The following LARGE1 variants were observed in gnomAD, a reference collection of about 807,000 sequenced individuals.
LARGE1 encodes LARGE xylosyl- and glucuronyltransferase 1, also known as xylosyl- and glucuronyltransferase LARGE1.
In LARGE1, 43 loss-of-function variants were observed where a neutral mutation model predicts 87.6. The observed-to-expected ratio is 0.49, with a 90% CI of 0.38 to 0.63. LARGE1 has a LOEUF of 0.63. Among genes scored for constraint, LARGE1 ranks in the 30% least tolerant of loss-of-function variants. The pLI is 0.00. For synonymous variants in LARGE1, 434 were observed against 394.6 expected, an observed-to-expected ratio of 1.10 and a Z score of -1.18; for missense variants, 802 against 1,000.2, an observed-to-expected ratio of 0.80 and a Z score of 2.67.
chr22:33,271,644 A>C (rs1476017665), downstream of LARGE1, among the ~76,000 whole-genome samples: 1 of 152,270 alleles, frequency 6.6e-6, no homozygotes, highest in African/African-American at 2.4e-5. Flanking sequence ...TGATGCAAAG[A>C]AATCAACATC....
the LARGE1 span, among the ~76,000 whole-genome samples, chr22:33,095,261 G>A: frequency 6.6e-6 from 1 of 152,204 alleles, no homozygotes; most frequent in Non-Finnish European, 1.5e-5. Flanking sequence ...TCCCTCTGAA[G>A]GCTCTGGGGA....
At chr22:33,781,622 C>G (rs2085423362) in intron 1 of LARGE1, among the ~76,000 whole-genome samples, 1 of 152,196 alleles carries the variant, frequency 6.6e-6, no homozygotes, top group Non-Finnish European at 1.5e-5. Flanking sequence ...TAGGACAATT[C>G]ACTGAACAAG....
At chr22:33,376,756 A>T (rs1043053477) in intron 9 of LARGE1, among the ~76,000 whole-genome samples, 25 of 152,148 alleles carry the variant, frequency 1.6e-4, no homozygotes, top group Admixed American at 1.6e-3. Flanking sequence ...TTAATTTTGT[A>T]TCTGTTACTT....
At chr22:33,124,730 G>A in the LARGE1 span, among the ~76,000 whole-genome samples, 8 of 152,198 alleles carry the variant, frequency 5.3e-5, no homozygotes, top group Non-Finnish European at 7.3e-5. Context: ...GGCTGGGCGT[G>A]GTGGCTCACA....
intron 9 of LARGE1, among the ~76,000 whole-genome samples, chr22:33,368,736 A>G (rs1197695151): frequency 6.6e-6 from 1 of 152,134 alleles, no homozygotes; most frequent in Non-Finnish European, 1.5e-5. Flanking sequence ...AATAAAGTGA[A>G]TACCACATGA....
At chr22:33,325,887 G>A (rs1474209760) in intron 10 of LARGE1, among the ~76,000 whole-genome samples, 2 of 152,170 alleles carry the variant, frequency 1.3e-5, no homozygotes, top group Non-Finnish European at 2.9e-5. Flanking sequence ...GCTGCCCTTA[G>A]GGCCCTCAGT....
chr22:33,312,732 G>A (rs1357663021), intron 11 of LARGE1, among the ~76,000 whole-genome samples: 1 of 152,178 alleles, frequency 6.6e-6, no homozygotes, highest in Non-Finnish European at 1.5e-5. Context: ...TCACTTGCAT[G>A]GATTATAGTA....
intron 7 of LARGE1, among the ~76,000 whole-genome samples, chr22:33,391,496 A>G (rs1490710587): frequency 5.3e-5 from 8 of 152,102 alleles, no homozygotes; most frequent in Admixed American, 6.6e-5. Context: ...AAGGTTATAT[A>G]AGTGAGAGAC....
At chr22:33,417,404 G>T (rs1381503861) in intron 7 of LARGE1, among the ~76,000 whole-genome samples, 5 of 152,150 alleles carry the variant, frequency 3.3e-5, no homozygotes, top group African/African-American at 1.2e-4. Context: ...TGGGAGTGTA[G>T]AATTCATTTA....
chr22:33,421,694 T>A (rs1319342138), intron 7 of LARGE1, among the ~76,000 whole-genome samples: 1 of 152,230 alleles, frequency 6.6e-6, no homozygotes, highest in African/African-American at 2.4e-5. Context: ...GTACTTACTA[T>A]AACCATCCTC....
At chr22:33,294,891 T>C (rs1304289451) in intron 12 of LARGE1, among the ~76,000 whole-genome samples, 1 of 152,188 alleles carries the variant, frequency 6.6e-6, no homozygotes, top group Non-Finnish European at 1.5e-5. Context: ...TCTTTGGAAA[T>C]GACAAAGACC....
chr22:33,211,286 C>T (rs189136215), intron 11 of LARGE1, among the ~76,000 whole-genome samples: 114 of 152,228 alleles, frequency 7.5e-4, no homozygotes, highest in Non-Finnish European at 9.4e-4. Context: ...CATAATGCTA[C>T]AAGTGTTACA....
At chr22:33,579,398 T>C (rs2078447918) in intron 5 of LARGE1, among the ~76,000 whole-genome samples, 1 of 152,216 alleles carries the variant, frequency 6.6e-6, no homozygotes, top group Admixed American at 6.5e-5. Flanking sequence ...CTTTTGTAAA[T>C]TGTCCAGTCT....
intron 11 of LARGE1, among the ~76,000 whole-genome samples, chr22:33,236,619 G>A (rs768578498): frequency 2.0e-4 from 30 of 152,160 alleles, no homozygotes; most frequent in Non-Finnish European, 3.4e-4. Context: ...TTTCTCAGCA[G>A]GATGTAAACA....
At chr22:33,345,809 G>A (rs2146678264) in intron 9 of LARGE1, among the ~76,000 whole-genome samples, 1 of 152,066 alleles carries the variant, frequency 6.6e-6, no homozygotes, top group African/African-American at 2.4e-5. Context: ...TCAGTGCAAG[G>A]ACAAGGCTGT....
chr22:33,903,313 C>T (rs369579829), intron 1 of LARGE1, among the ~76,000 whole-genome samples: 1 of 152,054 alleles, frequency 6.6e-6, no homozygotes, highest in African/African-American at 2.4e-5. Flanking sequence ...TTGCCAACAC[C>T]CTGATCTCAG....
intron 6 of LARGE1, among the ~76,000 whole-genome samples, chr22:33,564,550 C>A (rs1345919940): frequency 6.6e-6 from 1 of 152,194 alleles, no homozygotes; most frequent in Non-Finnish European, 1.5e-5. Context: ...AACCAATGAA[C>A]ACACGTCCCG....
chr22:33,555,945 A>AC (rs1201008061), intron 6 of LARGE1, among the ~76,000 whole-genome samples: 4 of 151,148 alleles, frequency 2.6e-5, no homozygotes, highest in Non-Finnish European at 5.9e-5. Flanking sequence ...AAAAAAAAAA[A>AC]AGTGTAGATT....
downstream of LARGE1, among the ~76,000 whole-genome samples, chr22:33,157,655 T>C (rs751035492): frequency 2.0e-5 from 3 of 152,242 alleles, no homozygotes; most frequent in Admixed American, 1.3e-4. Context: ...AAAATACTCA[T>C]GAAGGATGAT....
Sources: allele counts gnomAD v4.1 joint callset (sites outside exome capture counted in the v4.1 genomes callset), GRCh38; gene constraint gnomAD v4.1.1; transcripts MANE v1.5; gene names NCBI Gene and HGNC (gene_info 2026-07-23, HGNC 2026-07-21).